CLEC20A: variants seen among roughly 807,000 people sequenced by gnomAD.
CLEC20A encodes the protein putative C-type lectin domain family 20 member A.
At chr1:178,482,161 C>T (rs1649006421) in intron 7 of CLEC20A, 151 bp downstream of exon 7, 1 of 393,766 alleles carries the variant, frequency 2.5e-6, no homozygotes, top group East Asian at 3.6e-5. Context: ...TGCCACATAA[C>T]CAACTTGTCA....
At chr1:178,494,501 A>G (rs1210953302) in exon 2 of CLEC20A, 2 of 399,620 alleles carry the variant, frequency 5.0e-6, no homozygotes, top group Admixed American at 4.4e-5. Flanking sequence ...GGCAGCCCCT[A>G]TGCTGGGTAA....
chr1:178,497,961 C>T (rs1024633762), upstream of CLEC20A, among the ~76,000 whole-genome samples: 7 of 151,848 alleles, frequency 4.6e-5, no homozygotes, highest in Admixed American at 2.6e-4. Flanking sequence ...GGGGAAGAAG[C>T]GGGTGAGGAG....
At chr1:178,488,710 C>T (rs1649209051) in intron 4 of CLEC20A, 111 bp from the exon 5 acceptor site, 2 of 397,526 alleles carry the variant, frequency 5.0e-6, no homozygotes, top group East Asian at 7.1e-5. Context: ...GGTAGCCAAA[C>T]TCAGGAGGGC....
chr1:178,491,685 A>G (rs1055416620), intron 3 of CLEC20A, among the ~76,000 whole-genome samples: 1 of 152,218 alleles, frequency 6.6e-6, no homozygotes, highest in Non-Finnish European at 1.5e-5. Flanking sequence ...ACTCCATACC[A>G]TGCAGAAAAC....
At chr1:178,498,623 A>C (rs905797909), upstream of CLEC20A, among the ~76,000 whole-genome samples, 3 of 152,158 alleles carry the variant, frequency 2.0e-5, no homozygotes, top group Non-Finnish European at 4.4e-5. Flanking sequence ...AAACAAAAAT[A>C]AAGTGCAGGA....
chr1:178,482,721 G>A (rs1020032791), intron 6 of CLEC20A: 7 of 229,504 alleles, frequency 3.1e-5, no homozygotes, highest in East Asian at 8.6e-5. Flanking sequence ...ACACCATGCC[G>A]GAAATACTCA....
At chr1:178,488,676 G>T (rs1649207393) in intron 4 of CLEC20A, 77 bp from the exon 5 acceptor site, 3 of 398,402 alleles carry the variant, frequency 7.5e-6, no homozygotes, top group Non-Finnish European at 1.3e-5. Flanking sequence ...GGCTCTGATG[G>T]CCCCGCATTT....
intron 7 of CLEC20A, 78 bp from the exon 8 acceptor site, chr1:178,479,693 G>T (rs1186312093): frequency 2.5e-6 from 1 of 396,362 alleles, no homozygotes; most frequent in East Asian, 3.6e-5. Flanking sequence ...CTATCCATCC[G>T]TATACCCTTT....
chr1:178,497,441 C>T (rs1649425780), upstream of CLEC20A, among the ~76,000 whole-genome samples: 4 of 152,186 alleles, frequency 2.6e-5, no homozygotes, highest in South Asian at 2.1e-4. Context: ...ATGAGAATCC[C>T]CCATTCCAGA....
At position 178,486,720 on chromosome 1, in the gene CLEC20A, T is replaced by C. The variant is rs1649155758; in HGVS notation, c.928+1781A>G. 3 of 398,392 alleles carry C rather than the reference T, an allele frequency of 7.5e-6. No individual in the cohort carries two copies. The South Asian group carries it at 3.8e-4, about 51-fold the overall frequency. The allele number at this position is 398,392 out of a possible 1,614,324, so 24.7% of individuals were successfully genotyped here. A position where few individuals can be genotyped will look rare whatever the true frequency, so the allele number is the denominator to read the frequency against. Reference sequence around the variant, plus strand: ...CGGAGGCCAGAAGAGTCGCAGTTACTTCCTGGGGGACAGAGAGGCTCCCCC... The same window carrying C: ...CGGAGGCCAGAAGAGTCGCAGTTACCTCCTGGGGGACAGAGAGGCTCCCCC... On this transcript the variant is annotated intron_variant, in intron 5 of 7. Coordinates refer to ENST00000623247, the Ensembl canonical transcript of CLEC20A.
intron 5 of CLEC20A, chr1:178,486,789 AG>A (rs1000055816): frequency 1.0e-5 from 4 of 397,826 alleles, no homozygotes; most frequent in African/African-American, 6.2e-5. Context: ...CCGAGGGCGC[AG>A]GGTGGGAAGA....
intron 4 of CLEC20A, among the ~76,000 whole-genome samples, chr1:178,489,715 G>A (rs1005279140): frequency 3.3e-5 from 5 of 152,178 alleles, no homozygotes; most frequent in Admixed American, 2.0e-4. Context: ...TTTCAGAGAT[G>A]AGGAAAAGGA....
intron 1 of CLEC20A, among the ~76,000 whole-genome samples, chr1:178,495,204 G>C (rs531500784): frequency 6.6e-6 from 1 of 152,354 alleles, no homozygotes; most frequent in Admixed American, 6.5e-5. Flanking sequence ...CCCGCCATGT[G>C]CCATCAGCTC....
intron 2 of CLEC20A, chr1:178,493,606 C>A (rs1173540262): frequency 2.6e-5 from 4 of 152,324 alleles, no homozygotes. Context: ...TGTTCTCCAA[C>A]AGCTGGAGCC....
At position 178,488,497 on chromosome 1, in the gene CLEC20A, G is replaced by A. The variant is rs1325666803; in HGVS notation, c.928+4C>T. On this transcript the variant is annotated splice_donor_region_variant and intron_variant, in intron 5 of 7. Transcript: ENST00000623247. ...AGATCCAGCCAAGGGCAGGCTCAAAGCACCTCTGCCTGGCCTGGGAGTTGT... is the reference window on the plus strand; with the variant it reads ...AGATCCAGCCAAGGGCAGGCTCAAAACACCTCTGCCTGGCCTGGGAGTTGT... 2 of 398,692 alleles carry A rather than the reference G, an allele frequency of 5.0e-6. No homozygotes were observed. Among genetic ancestry groups the A allele is most frequent in the East Asian group, 3.6e-5 (1 of 28,100 alleles). 24.7% of individuals were successfully genotyped at this position (398,692 alleles called of 1,614,324 possible).
At chr1:178,493,490 C>A (rs1051173626) in intron 2 of CLEC20A, 1 of 152,616 alleles carries the variant, frequency 6.6e-6, no homozygotes, top group Non-Finnish European at 1.5e-5. Flanking sequence ...GCTGTGCACG[C>A]CACAACCAGC....
At chr1:178,494,424 A>C (rs1649338928) in intron 2 of CLEC20A, 30 bp downstream of exon 2, 1 of 400,038 alleles carries the variant, frequency 2.5e-6, no homozygotes, top group South Asian at 1.3e-4. Flanking sequence ...TGGGGGAAAG[A>C]CCAAGCCTGA....
intron 2 of CLEC20A, among the ~76,000 whole-genome samples, chr1:178,494,148 C>T (rs753482520): frequency 6.6e-6 from 1 of 152,248 alleles, no homozygotes; most frequent in Non-Finnish European, 1.5e-5. Flanking sequence ...AATCCCAGCA[C>T]TTTGGGAGAC....
intron 3 of CLEC20A, among the ~76,000 whole-genome samples, chr1:178,491,914 G>C (rs927040100): frequency 5.9e-5 from 9 of 152,068 alleles, no homozygotes; most frequent in Non-Finnish European, 1.2e-4. Context: ...TGCAGCCAAG[G>C]GCCCATCCAC....
Sources: gnomAD v4.1 joint callset for allele counts (sites outside exome capture counted in the v4.1 genomes callset) on GRCh38, gnomAD v4.1.1 for gene constraint, MANE v1.5 for transcripts, NCBI Gene and HGNC (gene_info 2026-07-23, HGNC 2026-07-21) for gene names.